The following ZBTB40 variants were observed in gnomAD, a reference collection of about 807,000 sequenced individuals.
ZBTB40 encodes the protein zinc finger and BTB domain containing 40.
ZBTB40 carries 60 observed loss-of-function variants against 117.5 expected under a neutral mutation model. The observed-to-expected ratio is 0.51, with a 90% CI of 0.41 to 0.63. The LOEUF (loss-of-function observed/expected upper bound fraction) is 0.63, where lower values mean the gene tolerates loss of function less well. Among genes scored for constraint, ZBTB40 ranks in the 30% least tolerant of loss-of-function variants. ZBTB40 has a pLI of 0.00. For missense variants in ZBTB40, 1,287 were observed against 1,498.5 expected, an observed-to-expected ratio of 0.86 and a Z score of 2.33; for synonymous variants, 525 against 577.1, an observed-to-expected ratio of 0.91 and a Z score of 1.29.
Position 22,511,693 on chromosome 1 carries a change from G to C in ZBTB40, c.2020G>C (p.Asp674His). 1 of 1,610,604 alleles carries C rather than the reference G, an allele frequency of 6.2e-7. No homozygotes were observed. Among genetic ancestry groups the C allele is most frequent in the Non-Finnish European group, 8.5e-7 (1 of 1,179,130 alleles). Reference sequence around the variant, plus strand: ...TTATGCAGGTGTCCTTACTAAGGAAGATGGAGAGAAGGAAACGTGGAAGGT... The same window carrying C: ...TTATGCAGGTGTCCTTACTAAGGAACATGGAGAGAAGGAAACGTGGAAGGT... ...LAYIGVLTKE[D>H]GEKETWKVSN... Residue 674 changes from aspartate (D) to histidine (H), a missense_variant, in exon 11 of 18, where the codon GAT (aspartate) becomes CAT (histidine). Transcript: ENST00000375647.
At chr1:22,476,824 G>A (rs750389651) in intron 1 of ZBTB40, among the ~76,000 whole-genome samples, 15 of 152,070 alleles carry the variant, frequency 9.9e-5, no homozygotes, top group Admixed American at 5.2e-4. Context: ...ATTTTTTCGA[G>A]CCTAGCAATT....
At chr1:22,437,986 C>T (rs920171697) in intron 1 of ZBTB40, among the ~76,000 whole-genome samples, 1 of 151,944 alleles carries the variant, frequency 6.6e-6, no homozygotes, top group Non-Finnish European at 1.5e-5. Context: ...CAAAATTAGT[C>T]GGGTGTGGTG....
chr1:22,513,494 A>G lies in ZBTB40; in HGVS notation c.2668+364A>G, dbSNP rs1639296059. Among the ~76,000 whole-genome samples the G allele has an allele frequency of 6.6e-6, 1 of 152,092 alleles. No homozygotes were observed. The highest frequency in any genetic ancestry group is 1.5e-5 in the Non-Finnish European group (1 of 68,006). On this transcript the variant is annotated intron_variant, in intron 12 of 17. Transcript: ENST00000375647. This position sits in a 1 kb window ranked among gnomAD's most constrained non-coding sequence, Gnocchi z 4.9. ...GGCAGGCGGATCACAAGGTCAGGAG[A>G]TTGAGACCATCCTGGCTAACATGGT...
chr1:22,431,139 C>A (rs1640574978), intron 1 of ZBTB40, among the ~76,000 whole-genome samples: 2 of 149,152 alleles, frequency 1.3e-5, no homozygotes, highest in East Asian at 1.9e-4. Flanking sequence ...GTAAATTCAC[C>A]TGCTTTGCCT....
At chr1:22,440,070 T>C (rs762232680) in intron 1 of ZBTB40, among the ~76,000 whole-genome samples, 2 of 152,250 alleles carry the variant, frequency 1.3e-5, no homozygotes, top group Non-Finnish European at 2.9e-5. Flanking sequence ...TATTTTATTC[T>C]CTTTGACACT....
chr1:22,505,611 C>A (rs1639057005), intron 5 of ZBTB40, among the ~76,000 whole-genome samples: 1 of 152,158 alleles, frequency 6.6e-6, no homozygotes, highest in Admixed American at 6.5e-5. Flanking sequence ...GAATTATAAC[C>A]TATGCTAATA....
At chr1:22,429,048 C>T (rs1640542136) in intron 1 of ZBTB40, among the ~76,000 whole-genome samples, 1 of 152,182 alleles carries the variant, frequency 6.6e-6, no homozygotes, top group African/African-American at 2.4e-5. Flanking sequence ...AAGCAAAAGT[C>T]TTTCATTTTG....
At chr1:22,460,804 G>C (rs1273972036) in intron 1 of ZBTB40, among the ~76,000 whole-genome samples, 1 of 152,168 alleles carries the variant, frequency 6.6e-6, no homozygotes, top group Non-Finnish European at 1.5e-5. Context: ...AGAGAGTCAA[G>C]ACCCACTCTT....
chr1:22,447,871 A>G (rs1164389067), upstream of ZBTB40, among the ~76,000 whole-genome samples: 3 of 152,224 alleles, frequency 2.0e-5, no homozygotes, highest in Admixed American at 2.0e-4. Context: ...TGGACTGGAA[A>G]AAAGGTAGTG....
intron 14 of ZBTB40, 151 bp downstream of exon 14, chr1:22,520,426 A>T: frequency 1.4e-6 from 1 of 740,668 alleles, no homozygotes; most frequent in East Asian, 2.7e-5. Flanking sequence ...GCAGCTTGTG[A>T]TCCAGATTCT....
chr1:22,511,559 AGT>A, intron 10 of ZBTB40, 115 bp from the exon 11 acceptor site: 1 of 1,272,644 alleles, frequency 7.9e-7, no homozygotes, highest in Non-Finnish European at 1.1e-6. Flanking sequence ...ATTACTTCAG[AGT>A]GTTTTTGAGG....
At chr1:22,480,677 G>C (rs1391296594) in intron 1 of ZBTB40, among the ~76,000 whole-genome samples, 1 of 152,108 alleles carries the variant, frequency 6.6e-6, no homozygotes, top group Non-Finnish European at 1.5e-5. Context: ...TTTTCTCTAT[G>C]TGAGTCCCTG....
rs1455601337 is a variant in ZBTB40, at chr1:22,442,555, T to A, written c.-70+13541T>A. On this transcript the variant is annotated intron_variant, in intron 1 of 8. Coordinates refer to the ZBTB40 transcript ENST00000650433. ...ACCACATATCATCTTGAGAACTGCT[T>A]ACAATATAGGAATTTATAAGAGGGT... is the stretch of plus-strand genomic sequence containing the variant. Among the ~76,000 whole-genome samples the A allele has an allele frequency of 4.6e-5, 7 of 152,212 alleles. 1 individual carries two copies. The highest frequency in any genetic ancestry group is 1.0e-4 in the Non-Finnish European group (7 of 68,032).
chr1:22,525,454 C>T (rs1241269041), intron 17 of ZBTB40, among the ~76,000 whole-genome samples: 2 of 152,134 alleles, frequency 1.3e-5, no homozygotes, highest in African/African-American at 4.8e-5. Flanking sequence ...GTGGCTGTGG[C>T]CTCTAGTTTA....
chr1:22,520,426 A>G, intron 14 of ZBTB40, 151 bp downstream of exon 14: 1 of 740,668 alleles, frequency 1.4e-6, no homozygotes, highest in South Asian at 1.5e-5. Context: ...GCAGCTTGTG[A>G]TCCAGATTCT....
In ZBTB40 at chr1:22,490,721, TTATCAAAGACCAC is replaced by T. The variant is rs1178218196; in HGVS notation, c.697+78_697+90del. On this transcript the variant is annotated intron_variant, in intron 2 of 17. Transcript: ENST00000375647. ...CAGTTTTAATGTTTGATTAATAAATTTATCAAAGACCACTGTTAGGTAGAAAACCAAAATTCAG... is the reference window on the plus strand; with the variant it reads ...CAGTTTTAATGTTTGATTAATAAATTTGTTAGGTAGAAAACCAAAATTCAG... 1.4e-5 allele frequency: 21 copies of T among 1,545,356 alleles called. No homozygotes were observed. The African/African-American group carries it at 2.3e-4, about 17-fold the overall frequency.
rs757782034 is a variant in ZBTB40 at position 22,524,327 on chromosome 1, C to T, written c.3408C>T (p.Pro1136=). The change falls in exon 17 of 18, where the codon CCC becomes CCT. Residue 1136 remains proline (P), a synonymous_variant. Coordinates refer to ENST00000375647, the MANE Select transcript of ZBTB40 (RefSeq NM_014870.4). ...EHFKQSETTF[P]CELCGELFTS... ...TCAAGCAGTCAGAGACCACCTTCCC[C>T]TGTGAGCTCTGTGGGGAACTCTTCA... is the stretch of plus-strand genomic sequence containing the variant. 3 of 1,614,208 alleles carry T rather than the reference C, an allele frequency of 1.9e-6. No homozygotes were observed. The highest frequency in any genetic ancestry group is 2.2e-5 in the South Asian group (2 of 91,086).
chr1:22,471,894 C>T (rs1255094247), intron 1 of ZBTB40, among the ~76,000 whole-genome samples: 2 of 152,194 alleles, frequency 1.3e-5, no homozygotes, highest in Admixed American at 6.5e-5. Flanking sequence ...GAGTAAGCCA[C>T]CGGCGAGGGG....
chr1:22,507,897 C>G, intron 6 of ZBTB40, 104 bp from the exon 7 acceptor site: 1 of 1,554,592 alleles, frequency 6.4e-7, no homozygotes, highest in South Asian at 1.1e-5. Flanking sequence ...GACACTGAGC[C>G]CTTGTGCTGA....
Sources: gnomAD v4.1 joint callset for allele counts (sites outside exome capture counted in the v4.1 genomes callset) on GRCh38, gnomAD v4.1.1 for gene constraint, Gnocchi (gnomAD v3.1) non-coding constraint, MANE v1.5 for transcripts, NCBI Gene and HGNC (gene_info 2026-07-23, HGNC 2026-07-21) for gene names.